Variants in SLCO3A1 observed in about 807,000 individuals in gnomAD.
SLCO3A1 encodes solute carrier organic anion transporter family member 3A1, also known as PGE1 transporter.
A neutral mutation model predicts 63.1 loss-of-function variants in SLCO3A1; 27 were observed. The observed-to-expected ratio is 0.43, with a 90% confidence interval of 0.32 to 0.59. The LOEUF (loss-of-function observed/expected upper bound fraction) is 0.59. Among genes scored for constraint, SLCO3A1 ranks in the 20% least tolerant of loss-of-function variants. SLCO3A1 has a pLI of 0.09. For synonymous variants in SLCO3A1, 473 were observed against 409.9 expected (o/e 1.15, Z -1.86); for missense variants, 773 against 945.8 (o/e 0.82, Z 2.40).
chr15:92,165,984 C>G, downstream of SLCO3A1: 1 of 735,454 alleles, frequency 1.4e-6, no homozygotes, highest in South Asian at 6.2e-5. Context: ...AAGTCTCTCT[C>G]TGCTGAAATT....
rs1897955962 is a variant in SLCO3A1, at chr15:91,894,561, G to C, written c.181-21432G>C. On this transcript the variant is annotated intron_variant, in intron 1 of 9. Transcript: ENST00000318445. The surrounding 1 kb of genome is among the most constrained non-coding windows in gnomAD (Gnocchi z 4.8). The stretch of plus-strand genomic sequence containing the variant: ...GTCTGAAGGCAGCAGAGGCAATGGA[G>C]GAGGGTCCCCAGCACTGTGTTGCCA... Among the ~76,000 whole-genome samples the C allele has an allele frequency of 6.6e-6, 1 of 152,164 alleles. No individual in the cohort carries two copies. The highest frequency in any genetic ancestry group is 6.5e-5 in the Admixed American group (1 of 15,282).
intron 2 of SLCO3A1, among the ~76,000 whole-genome samples, chr15:92,021,587 C>T (rs114445975): frequency 0.011 from 1,634 of 152,194 alleles, 24 homozygotes; most frequent in African/African-American, 0.036. Flanking sequence ...AGCAAGTAGG[C>T]GAAGGTCATA....
intron 2 of SLCO3A1, among the ~76,000 whole-genome samples, chr15:92,068,600 G>A (rs2047178834): frequency 6.6e-6 from 1 of 152,140 alleles, no homozygotes; most frequent in Non-Finnish European, 1.5e-5. Context: ...CATGCTTGCT[G>A]GGGCCACAAC....
At chr15:91,956,045 G>A (rs1900159816) in intron 2 of SLCO3A1, among the ~76,000 whole-genome samples, 1 of 152,282 alleles carries the variant, frequency 6.6e-6, no homozygotes, top group Middle Eastern at 3.4e-3. Context: ...TTCCCAGCAA[G>A]GACAAGATGA....
In SLCO3A1 at chr15:92,095,589, T is replaced by C. The variant is rs184011488; in HGVS notation, c.745+610T>C. Among the ~76,000 whole-genome samples, 243 of 152,298 alleles carry C rather than the reference T, an allele frequency of 1.6e-3. 2 individuals are homozygous for C. The highest frequency in any genetic ancestry group is 5.5e-3 in the African/African-American group (227 of 41,562). On this transcript the variant is annotated intron_variant, in intron 3 of 9. Coordinates refer to ENST00000318445, the MANE Select transcript of SLCO3A1 (RefSeq NM_013272.4). ...ATACCCTGAGTTCCCCAATCCATGA[T>C]TGTGGGATTGAATGGGATGCTAGAT...
rs1216000017 is a variant in SLCO3A1, at chr15:92,030,184, A to T, written c.647-64697A>T. 3.9e-5 allele frequency among the ~76,000 whole-genome samples: 6 copies of T among 152,354 alleles called. No individual in the cohort carries two copies. In the East Asian group the frequency reaches 1.2e-3, roughly 29 times the overall value. The stretch of plus-strand genomic sequence containing the variant: ...TGTGTTTTATCCCACAAAATGCCCC[A>T]AAGGGTTAGTTGGTTTTCAAAAGCT... On this transcript the variant is annotated intron_variant, in intron 2 of 9. Coordinates refer to ENST00000318445, the MANE Select transcript of SLCO3A1 (RefSeq NM_013272.4).
At chr15:92,160,923 C>T (rs1437939990) in intron 9 of SLCO3A1, among the ~76,000 whole-genome samples, 2 of 152,132 alleles carry the variant, frequency 1.3e-5, no homozygotes, top group East Asian at 3.9e-4. Context: ...GGATGGACTT[C>T]AGGGGCCTAT....
rs544422145 is a variant in SLCO3A1 at position 92,141,952 on chromosome 15, G to T, written c.1513-5032G>T. Among the ~76,000 whole-genome samples, 9 of 152,326 alleles carry T rather than the reference G, an allele frequency of 5.9e-5. No homozygotes were observed. The South Asian group carries it at 1.9e-3, about 32-fold the overall frequency. On this transcript the variant is annotated intron_variant, in intron 7 of 9. Transcript: ENST00000318445. ...GGCTGCCCCAGCCTGCTCCCCATGT[G>T]TGGGACCACCCAGCCCATCCTGGTG...
chr15:92,068,747 GGC>G (rs2047180656), intron 2 of SLCO3A1, among the ~76,000 whole-genome samples: 1 of 152,148 alleles, frequency 6.6e-6, no homozygotes, highest in Non-Finnish European at 1.5e-5. Flanking sequence ...TCCCTTTGGT[GGC>G]CAGAACTAGA....
At chr15:92,124,728 T>C (rs73540490) in intron 5 of SLCO3A1, among the ~76,000 whole-genome samples, 7,637 of 152,116 alleles carry the variant, frequency 0.05, 270 homozygotes, top group African/African-American at 0.1. Flanking sequence ...GAAAACAGTA[T>C]GGAATCTCAG....
chr15:92,121,999 G>A (rs868134805), intron 5 of SLCO3A1, among the ~76,000 whole-genome samples: 16 of 152,302 alleles, frequency 1.1e-4, no homozygotes, highest in Middle Eastern at 3.4e-3. Flanking sequence ...CAGTGAGCAC[G>A]GGACTTAGCC....
At chr15:92,146,062 G>A (rs2048217966) in intron 7 of SLCO3A1, among the ~76,000 whole-genome samples, 1 of 152,146 alleles carries the variant, frequency 6.6e-6, no homozygotes, top group African/African-American at 2.4e-5. Context: ...ACCTGGGCAT[G>A]TGCTCTGAAA....
chr15:91,946,915 G>A (rs1220694555), intron 2 of SLCO3A1, among the ~76,000 whole-genome samples: 2 of 152,166 alleles, frequency 1.3e-5, no homozygotes, highest in African/African-American at 4.8e-5. Context: ...GTGGGGACCT[G>A]CCGTGCGTGC....
intron 7 of SLCO3A1, among the ~76,000 whole-genome samples, chr15:92,144,673 C>T (rs1351606595): frequency 6.6e-6 from 1 of 152,234 alleles, no homozygotes; most frequent in East Asian, 1.9e-4. Flanking sequence ...TCCTACAACT[C>T]CTGCCTTCTG....
At chr15:92,145,347 T>C (rs962191698) in intron 7 of SLCO3A1, among the ~76,000 whole-genome samples, 8 of 152,100 alleles carry the variant, frequency 5.3e-5, no homozygotes, top group Non-Finnish European at 8.8e-5. Flanking sequence ...TAAGTGAAAG[T>C]TGGGGAGAAG....
At chr15:92,049,801 A>G (rs544605663) in intron 2 of SLCO3A1, among the ~76,000 whole-genome samples, 55 of 152,294 alleles carry the variant, frequency 3.6e-4, no homozygotes, top group African/African-American at 1.3e-3. Context: ...CTGGGAGGAA[A>G]TAGTCATGGA....
chr15:92,113,183 T>A lies in SLCO3A1; in HGVS notation c.1010-7282T>A, dbSNP rs207957. On this transcript the variant is annotated intron_variant, in intron 4 of 9. Transcript: ENST00000318445. ...TCTGTGATCCCGAGCGGAGCCTGCG[T>A]TTTTCTGACTTCACACTCCAGAGGG... Among the ~76,000 whole-genome samples, 2 of 152,132 alleles carry A rather than the reference T, an allele frequency of 1.3e-5. 1 individual carries two copies. The highest frequency in any genetic ancestry group is 4.2e-4 in the South Asian group (2 of 4,808).
intron 2 of SLCO3A1, among the ~76,000 whole-genome samples, chr15:91,926,737 T>C (rs1300768499): frequency 6.6e-6 from 1 of 152,150 alleles, no homozygotes; most frequent in African/African-American, 2.4e-5. Flanking sequence ...GGCTTCAGAA[T>C]GTCAGGAGTC....
intron 9 of SLCO3A1, chr15:92,153,672 AG>A (rs1459759997): frequency 1.3e-5 from 2 of 152,352 alleles, no homozygotes; most frequent in Non-Finnish European, 2.9e-5. Flanking sequence ...AATATGTAGA[AG>A]GGCCTCCTAA....
Sources: allele counts gnomAD v4.1 joint callset (sites outside exome capture counted in the v4.1 genomes callset), GRCh38; gene constraint gnomAD v4.1.1; non-coding constraint Gnocchi (gnomAD v3.1); transcripts MANE v1.5; gene names NCBI Gene and HGNC (gene_info 2026-07-23, HGNC 2026-07-21).